Variants in RAVER2 observed in about 807,000 individuals in gnomAD.
RAVER2 encodes ribonucleoprotein PTB-binding 2.
A neutral mutation model predicts 78.1 loss-of-function variants in RAVER2; 46 were observed. The ratio of observed to expected loss-of-function variants is 0.59; its 90% confidence interval spans 0.46 to 0.75. The LOEUF (loss-of-function observed/expected upper bound fraction) is 0.75, where lower values mean the gene tolerates loss of function less well. RAVER2 is among the 30% of genes least tolerant of loss of function. The probability of loss-of-function intolerance (pLI) is 0.00; values close to 1 mark genes in which losing one functional copy is unlikely to be tolerated. For missense variants in RAVER2, 793 were observed against 837.5 expected (o/e 0.95, Z 0.66); for synonymous variants, 311 against 313.3 (o/e 0.99, Z 0.08).
Position 64,789,500 on chromosome 1 carries a change from G to A in RAVER2, c.1091G>A (p.Arg364Gln), listed in dbSNP as rs752549024. 7.5e-6 allele frequency: 12 copies of A among 1,604,854 alleles called. No homozygotes were observed. The Admixed American group carries it at 8.5e-5, about 11-fold the overall frequency. ...CTTCTACAGCCCCAGTTATGTGGAC[G>A]AGCTGTTAAACCAGGTATGGACCAT... The change falls in exon 5 of 12, where the codon CGA becomes CAA. Residue 364 changes from arginine (R) to glutamine (Q), a missense_variant. By Grantham distance (43) the Arg-to-Gln change is conservative. Transcript: ENST00000294428.
At chr1:64,814,880 G>C (rs761691112) in intron 11 of RAVER2, 40 bp downstream of exon 11, 6 of 1,449,438 alleles carry the variant, frequency 4.1e-6, no homozygotes, top group Admixed American at 2.2e-5. Context: ...CAGAAAAATT[G>C]GTTCAACTAT....
chr1:64,827,210 G>C (rs146541533), intron 11 of RAVER2, among the ~76,000 whole-genome samples: 1 of 152,150 alleles, frequency 6.6e-6, no homozygotes, highest in Non-Finnish European at 1.5e-5. Flanking sequence ...TTTCTCTTTC[G>C]ATTTTGTTTT....
intron 5 of RAVER2, among the ~76,000 whole-genome samples, chr1:64,791,304 T>C (rs1483783877): frequency 6.6e-6 from 1 of 152,176 alleles, no homozygotes; most frequent in Admixed American, 6.5e-5. Context: ...GGCCCCATGA[T>C]TGAACTCAGT....
intron 11 of RAVER2, among the ~76,000 whole-genome samples, chr1:64,827,014 T>A (rs1654019050): frequency 6.6e-6 from 1 of 152,184 alleles, no homozygotes; most frequent in African/African-American, 2.4e-5. Context: ...AAGATGTTCC[T>A]TTATTGGTGT....
chr1:64,809,023 A>G (rs756590994), intron 9 of RAVER2, among the ~76,000 whole-genome samples: 3 of 152,184 alleles, frequency 2.0e-5, no homozygotes, highest in Non-Finnish European at 4.4e-5. Context: ...AGAATTCAGG[A>G]GAAATGGATA....
intron 1 of RAVER2, among the ~76,000 whole-genome samples, chr1:64,759,704 G>T (rs1651967024): frequency 6.6e-6 from 1 of 151,936 alleles, no homozygotes; most frequent in South Asian, 2.1e-4. Context: ...TTTTAGTAGA[G>T]ACTGGGTTTC....
chr1:64,824,539 C>T (rs1233895602), intron 11 of RAVER2, among the ~76,000 whole-genome samples: 1 of 152,156 alleles, frequency 6.6e-6, no homozygotes, highest in Admixed American at 6.5e-5. Context: ...ATTATGGGAG[C>T]ACAGGTTATC....
Position 64,789,337 on chromosome 1 carries a change from G to A in RAVER2, c.979-51G>A, listed in dbSNP as rs746591431. ...TCTAGAAGAAAGCCTTTGAAATTGT[G>A]TCTTTGTACTTATGCTGTTCTAATG... On this transcript the variant is annotated intron_variant, in intron 4 of 11. Coordinates refer to ENST00000294428, the Ensembl canonical transcript of RAVER2. The A allele has an allele frequency of 4.1e-6, 6 of 1,464,856 alleles. No homozygotes were observed. In the East Asian group the frequency reaches 1.2e-4, roughly 30 times the overall value. The allele number at this position is 1,464,856 out of a possible 1,614,324, so 90.7% of individuals were successfully genotyped here. A position where few individuals can be genotyped will look rare whatever the true frequency, so the allele number is the denominator to read the frequency against.
intron 1 of RAVER2, among the ~76,000 whole-genome samples, chr1:64,758,761 G>A (rs1651925696): frequency 6.6e-6 from 1 of 151,880 alleles, no homozygotes; most frequent in African/African-American, 2.4e-5. Context: ...AACCCAATGG[G>A]GCCTGCCTGG....
chr1:64,795,158 A>G (rs1557597602), intron 5 of RAVER2, among the ~76,000 whole-genome samples: 2 of 152,164 alleles, frequency 1.3e-5, no homozygotes, highest in Non-Finnish European at 2.9e-5. Flanking sequence ...TCATTGACCT[A>G]AATGTCTGTC....
intron 11 of RAVER2, among the ~76,000 whole-genome samples, chr1:64,824,358 T>C (rs1391003961): frequency 6.6e-6 from 1 of 152,222 alleles, no homozygotes; most frequent in Non-Finnish European, 1.5e-5. Context: ...ATATGGAGCC[T>C]AATGCTGCCA....
chr1:64,757,083 A>C lies in RAVER2; in HGVS notation c.250-11573A>C, dbSNP rs187633175. ...AAAGATACTATTTTTCCCATTCACTATTCTTTGGAAATAATACATTAATTC... is the reference window on the plus strand; with the variant it reads ...AAAGATACTATTTTTCCCATTCACTCTTCTTTGGAAATAATACATTAATTC... On this transcript the variant is annotated intron_variant, in intron 1 of 11. Transcript: ENST00000294428. Among the ~76,000 whole-genome samples the C allele has an allele frequency of 2.6e-5, 4 of 152,326 alleles. No homozygotes were observed. The East Asian group carries it at 7.7e-4, about 29-fold the overall frequency.
At chr1:64,808,089 T>C (rs1282522431) in intron 9 of RAVER2, among the ~76,000 whole-genome samples, 4 of 152,258 alleles carry the variant, frequency 2.6e-5, no homozygotes, top group African/African-American at 9.6e-5. Flanking sequence ...ATCCGGAAAA[T>C]ATCAAAACCA....
chr1:64,785,043 C>T (rs1272465110), intron 4 of RAVER2, among the ~76,000 whole-genome samples: 1 of 152,174 alleles, frequency 6.6e-6, no homozygotes, highest in African/African-American at 2.4e-5. Flanking sequence ...ATGTCATTCT[C>T]TTGCTTAATA....
At chr1:64,799,734 C>G (rs1329039700) in intron 5 of RAVER2, among the ~76,000 whole-genome samples, 1 of 152,224 alleles carries the variant, frequency 6.6e-6, no homozygotes, top group Non-Finnish European at 1.5e-5. Flanking sequence ...AGCCACTGCA[C>G]CTGGCCGTGA....
chr1:64,787,634 C>G (rs372137654), intron 4 of RAVER2, among the ~76,000 whole-genome samples: 1 of 152,130 alleles, frequency 6.6e-6, no homozygotes, highest in Admixed American at 6.5e-5. Context: ...CTGGTCTGCC[C>G]GCCTAGTGTT....
At chr1:64,825,119 A>T (rs148402331) in intron 11 of RAVER2, among the ~76,000 whole-genome samples, 1 of 152,128 alleles carries the variant, frequency 6.6e-6, no homozygotes, top group Non-Finnish European at 1.5e-5. Context: ...ACATTTTATT[A>T]TATCATTAAT....
chr1:64,745,494 G>A lies in RAVER2; in HGVS notation c.249+73G>A. 30 of 1,439,464 alleles carry A rather than the reference G, an allele frequency of 2.1e-5. No homozygotes were observed. The highest frequency in any genetic ancestry group is 2.7e-5 in the Non-Finnish European group (29 of 1,081,654). The allele number at this position is 1,439,464 out of a possible 1,614,324, so 89.2% of individuals were successfully genotyped here. ...GGCGCTCCGTGTCCAGGCTGGGATCGGGGGCGCCTCAGAGCGGTCCTGGGG... is the reference window on the plus strand; with the variant it reads ...GGCGCTCCGTGTCCAGGCTGGGATCAGGGGCGCCTCAGAGCGGTCCTGGGG... On this transcript the variant is annotated intron_variant, in intron 1 of 11. Transcript: ENST00000294428. This position sits in a 1 kb window ranked among gnomAD's most constrained non-coding sequence, Gnocchi z 4.3.
chr1:64,814,551 C>G (rs1426783381), intron 10 of RAVER2, among the ~76,000 whole-genome samples, 153 bp from the exon 11 acceptor site: 1 of 151,456 alleles, frequency 6.6e-6, no homozygotes, highest in Non-Finnish European at 1.5e-5. Context: ...AAATTTTGTT[C>G]TATTTGATAA....
Sources: gnomAD v4.1 joint callset for allele counts (sites outside exome capture counted in the v4.1 genomes callset) on GRCh38, gnomAD v4.1.1 for gene constraint, Gnocchi (gnomAD v3.1) non-coding constraint, MANE v1.5 for transcripts, NCBI Gene and HGNC (gene_info 2026-07-23, HGNC 2026-07-21) for gene names.